AGBL1: variants seen among roughly 807,000 people sequenced by gnomAD.
The protein encoded by AGBL1 is cytosolic carboxypeptidase 4.
A neutral mutation model predicts 118.9 loss-of-function variants in AGBL1; 130 were observed. The ratio of observed to expected loss-of-function variants is 1.09; its 90% CI spans 0.95 to 1.26. The LOEUF (loss-of-function observed/expected upper bound fraction) is 1.26, where lower values mean the gene tolerates loss of function less well. Among genes scored for constraint, AGBL1 ranks in the 50% most tolerant of loss-of-function variants. The pLI is 0.00. For synonymous variants in AGBL1, 555 were observed against 478.9 expected (o/e 1.16, Z -2.08); for missense variants, 1,584 against 1,298.1 (o/e 1.22, Z -3.38).
chr15:86,242,346 C>A (rs1308923423), intron 6 of AGBL1, among the ~76,000 whole-genome samples: 1 of 152,094 alleles, frequency 6.6e-6, no homozygotes, highest in African/African-American at 2.4e-5. Context: ...CTATTATGTA[C>A]CAGGCATCGA....
rs573762424 is a variant in AGBL1, at chr15:86,213,217, A to G, written c.489-11697A>G. 7.9e-4 allele frequency among the ~76,000 whole-genome samples: 120 copies of G among 152,314 alleles called. 2 individuals are homozygous for G. In the South Asian group the frequency reaches 0.023, roughly 30 times the overall value. On this transcript the variant is annotated intron_variant, in intron 5 of 22. Transcript: ENST00000614907. Reference sequence around the variant, plus strand: ...TTTTATTTAGGAAAGAAGAATGTTTATGAAATCTTTTCTTGGAGTTCCGCA... The same window carrying G: ...TTTTATTTAGGAAAGAAGAATGTTTGTGAAATCTTTTCTTGGAGTTCCGCA...
intron 17 of AGBL1, among the ~76,000 whole-genome samples, chr15:86,324,153 A>C (rs995506358): frequency 6.6e-6 from 1 of 152,246 alleles, no homozygotes; most frequent in Admixed American, 6.5e-5. Flanking sequence ...GGGTAGAGTG[A>C]TGACTAAGAT....
intron 18 of AGBL1, among the ~76,000 whole-genome samples, chr15:86,506,185 C>A (rs376949270): frequency 6.6e-6 from 1 of 151,996 alleles, no homozygotes; most frequent in African/African-American, 2.4e-5. Context: ...TGTTCAGAAC[C>A]TCAAGGTTTG....
intron 18 of AGBL1, among the ~76,000 whole-genome samples, chr15:86,474,579 A>G (rs1307620234): frequency 6.6e-6 from 1 of 152,206 alleles, no homozygotes; most frequent in Non-Finnish European, 1.5e-5. Context: ...GCTGCCAGGA[A>G]GCTCGAACTG....
intron 22 of AGBL1, among the ~76,000 whole-genome samples, chr15:86,795,529 C>T (rs2078557000): frequency 6.6e-6 from 1 of 151,598 alleles, no homozygotes; most frequent in Admixed American, 6.6e-5. Flanking sequence ...TGACACTGCC[C>T]TTCCTCATCC....
At chr15:86,794,445 C>T (rs1449262158) in intron 22 of AGBL1, among the ~76,000 whole-genome samples, 2 of 151,956 alleles carry the variant, frequency 1.3e-5, no homozygotes, top group African/African-American at 4.8e-5. Flanking sequence ...CAGGGGCTAG[C>T]TGAAAGAGGC....
intron 24 of AGBL1, among the ~76,000 whole-genome samples, chr15:87,018,283 C>G (rs999852518): frequency 6.6e-6 from 1 of 151,950 alleles, no homozygotes; most frequent in East Asian, 1.9e-4. Context: ...AAGATGCTCC[C>G]CCAGAAGATC....
intron 5 of AGBL1, among the ~76,000 whole-genome samples, chr15:86,185,686 C>T (rs903942644): frequency 6.8e-6 from 1 of 146,072 alleles, no homozygotes; most frequent in African/African-American, 2.6e-5. Flanking sequence ...TGTTCCCGCT[C>T]ATAGGTGGGA....
At chr15:86,888,516 T>C (rs923982394) in intron 22 of AGBL1, among the ~76,000 whole-genome samples, 1 of 152,158 alleles carries the variant, frequency 6.6e-6, no homozygotes, top group African/African-American at 2.4e-5. Flanking sequence ...TGTATGTGTG[T>C]CAATAATTTG....
At chr15:86,333,392 G>A (rs1281472496) in intron 17 of AGBL1, among the ~76,000 whole-genome samples, 4 of 152,122 alleles carry the variant, frequency 2.6e-5, no homozygotes, top group Non-Finnish European at 4.4e-5. Context: ...ATCCTGAGAT[G>A]ATTATAAACA....
At chr15:86,760,113 C>A (rs938277259) in intron 22 of AGBL1, among the ~76,000 whole-genome samples, 4 of 151,996 alleles carry the variant, frequency 2.6e-5, no homozygotes, top group South Asian at 2.1e-4. Flanking sequence ...CTTTAGTGGC[C>A]TTTGCATTAT....
chr15:86,954,470 A>G (rs1024292746), intron 23 of AGBL1, among the ~76,000 whole-genome samples: 5 of 152,202 alleles, frequency 3.3e-5, no homozygotes, highest in Non-Finnish European at 7.3e-5. Flanking sequence ...CTGTGCAGCT[A>G]TAGAAAGATT....
At chr15:86,390,092 CA>C (rs1441029654) in intron 17 of AGBL1, among the ~76,000 whole-genome samples, 7 of 151,886 alleles carry the variant, frequency 4.6e-5, no homozygotes, top group African/African-American at 1.7e-4. Flanking sequence ...AAATACTAAC[CA>C]AAAGAAAGCC....
intron 22 of AGBL1, among the ~76,000 whole-genome samples, chr15:86,770,325 G>A (rs11073671): frequency 1.3e-5 from 2 of 151,454 alleles, no homozygotes. Flanking sequence ...TTGCATCCCC[G>A]CACAGGAGAC....
chr15:86,374,221 G>A (rs1220321919), intron 17 of AGBL1, among the ~76,000 whole-genome samples: 2 of 152,162 alleles, frequency 1.3e-5, no homozygotes, highest in Non-Finnish European at 2.9e-5. Flanking sequence ...AATACTTAAT[G>A]GTATCCATTG....
At chr15:87,012,453 G>A (rs2081571155) in intron 24 of AGBL1, among the ~76,000 whole-genome samples, 1 of 151,994 alleles carries the variant, frequency 6.6e-6, no homozygotes, top group South Asian at 2.1e-4. Flanking sequence ...TGGTTCAGTG[G>A]GGAAAAGGGT....
intron 6 of AGBL1, among the ~76,000 whole-genome samples, chr15:86,244,647 G>C (rs1023617146): frequency 6.6e-6 from 1 of 152,054 alleles, no homozygotes; most frequent in South Asian, 2.1e-4. Flanking sequence ...GAAAATTAAA[G>C]ATTTTTTTTC....
rs139501845 is a variant in AGBL1 at position 86,314,808 on chromosome 15, G to A, written c.2374+19400G>A. ...TAATCTTCAAGCTCCATCTTTTCTC[G>A]TTGTGAATTCCATAAAAAGCCATGT... is the stretch of plus-strand genomic sequence containing the variant. On this transcript the variant is annotated intron_variant, in intron 17 of 22. Transcript: ENST00000614907. Among the ~76,000 whole-genome samples, 771 of 152,168 alleles carry A rather than the reference G, an allele frequency of 5.1e-3. 6 individuals are homozygous for A. The highest frequency in any genetic ancestry group is 0.018 in the African/African-American group (737 of 41,494).
At chr15:86,311,490 T>C (rs557891690) in intron 17 of AGBL1, among the ~76,000 whole-genome samples, 3 of 152,244 alleles carry the variant, frequency 2.0e-5, no homozygotes, top group African/African-American at 7.2e-5. Flanking sequence ...CTTTCTTTTA[T>C]GGTTCTTGGA....
Sources: gnomAD v4.1 joint callset for allele counts (sites outside exome capture counted in the v4.1 genomes callset) on GRCh38, gnomAD v4.1.1 for gene constraint, MANE v1.5 for transcripts, NCBI Gene and HGNC (gene_info 2026-07-23, HGNC 2026-07-21) for gene names.